ZNF410: variants seen among roughly 807,000 people sequenced by gnomAD.
ZNF410 encodes the protein another partner for ARF 1.
ZNF410 carries 18 observed loss-of-function variants against 54.8 expected under a neutral mutation model. The ratio of observed to expected loss-of-function variants is 0.33; its 90% confidence interval spans 0.23 to 0.49. The LOEUF is 0.49. Among genes scored for constraint, ZNF410 ranks in the 20% least tolerant of loss-of-function variants. The pLI, the probability that ZNF410 is intolerant of heterozygous loss-of-function variation, is 0.99. For missense variants in ZNF410, 405 were observed against 569.6 expected, an observed-to-expected ratio of 0.71 and a Z score of 2.94; for synonymous variants, 191 against 207.3, an observed-to-expected ratio of 0.92 and a Z score of 0.68.
chr14:73,921,292 T>C, intron 9 of ZNF410, 187 bp downstream of exon 9: 1 of 598,502 alleles, frequency 1.7e-6, no homozygotes, highest in South Asian at 3.2e-5. Flanking sequence ...TTTTAAAATT[T>C]ATATACTTTT....
At chr14:73,930,128 T>C (rs1472904225) in intron 11 of ZNF410, among the ~76,000 whole-genome samples, 1 of 152,206 alleles carries the variant, frequency 6.6e-6, no homozygotes, top group Non-Finnish European at 1.5e-5. Context: ...AAATAGAAAT[T>C]ACAAATTCTA....
intron 9 of ZNF410, 35 bp from the exon 10 acceptor site, chr14:73,922,031 T>A (rs1468083500): frequency 6.2e-7 from 1 of 1,609,142 alleles, no homozygotes; most frequent in South Asian, 1.1e-5. Flanking sequence ...CAGCCTTGAT[T>A]GCTGTATGTC....
intron 7 of ZNF410, chr14:73,906,352 A>G (rs1374838247): frequency 6.6e-6 from 1 of 152,046 alleles, no homozygotes; most frequent in African/African-American, 2.4e-5. Flanking sequence ...GAAGAGGGGA[A>G]AAAGTAAAAC....
chr14:73,907,457 T>C (rs2055507178), intron 7 of ZNF410, among the ~76,000 whole-genome samples: 1 of 151,790 alleles, frequency 6.6e-6, no homozygotes, highest in African/African-American at 2.4e-5. Context: ...TAGCCAGGCA[T>C]GGTGATGGGT....
At chr14:73,901,139 G>T (rs990047815) in intron 5 of ZNF410, among the ~76,000 whole-genome samples, 1 of 152,212 alleles carries the variant, frequency 6.6e-6, no homozygotes, top group African/African-American at 2.4e-5. Context: ...ATAAGATGTT[G>T]TATATCAGAT....
intron 8 of ZNF410, among the ~76,000 whole-genome samples, chr14:73,917,097 T>G (rs2055679023): frequency 6.6e-6 from 1 of 152,346 alleles, no homozygotes; most frequent in South Asian, 2.1e-4. Flanking sequence ...CAATTTAAAT[T>G]TTCACATTAA....
At chr14:73,909,516 A>G in intron 8 of ZNF410, 86 bp downstream of exon 8, 2 of 1,097,564 alleles carry the variant, frequency 1.8e-6, no homozygotes, top group Non-Finnish European at 1.4e-6. Context: ...AGACAACTAA[A>G]AAGAAACAAA....
intron 7 of ZNF410, among the ~76,000 whole-genome samples, chr14:73,905,956 CACACACACACACATATATAT>C (rs2055478816): frequency 4.7e-5 from 1 of 21,172 alleles, no homozygotes; most frequent in Admixed American, 7.8e-4. Flanking sequence ...CACACACACA[CACACACACACACATATATAT>C]ATATATATAT....
At chr14:73,892,438 ATAATG>A (rs2055245376) in intron 2 of ZNF410, among the ~76,000 whole-genome samples, 1 of 151,728 alleles carries the variant, frequency 6.6e-6, no homozygotes, top group Admixed American at 6.6e-5. Context: ...ATACATTTAG[ATAATG>A]TAATAAAATC....
At chr14:73,929,147 T>A (rs1404785774) in intron 11 of ZNF410, among the ~76,000 whole-genome samples, 1 of 152,210 alleles carries the variant, frequency 6.6e-6, no homozygotes, top group Admixed American at 6.5e-5. Flanking sequence ...TGAGCCTCAC[T>A]TCTTTTGTGT....
At chr14:73,921,152 C>A in intron 9 of ZNF410, 47 bp downstream of exon 9, 1 of 1,605,286 alleles carries the variant, frequency 6.2e-7, no homozygotes. Flanking sequence ...TCTAGGGTTC[C>A]AAGAGCCAAA....
intron 11 of ZNF410, among the ~76,000 whole-genome samples, chr14:73,929,100 C>T (rs1566669104): frequency 1.3e-5 from 2 of 152,230 alleles, no homozygotes; most frequent in African/African-American, 2.4e-5. Flanking sequence ...ACTTTTTCCT[C>T]ATGGGTTTTT....
chr14:73,928,807 G>A (rs540751717), intron 11 of ZNF410, among the ~76,000 whole-genome samples: 12 of 152,148 alleles, frequency 7.9e-5, no homozygotes. Context: ...AATTATCCAG[G>A]CATAGTGGTG....
intron 2 of ZNF410, 160 bp from the exon 3 acceptor site, chr14:73,893,637 G>C (rs2055265421): frequency 1.2e-6 from 1 of 815,010 alleles, no homozygotes; most frequent in Non-Finnish European, 1.7e-6. Context: ...CTCTAGAACA[G>C]AGAACTTGAT....
chr14:73,902,517 A>G (rs1173171991), intron 5 of ZNF410, among the ~76,000 whole-genome samples: 2 of 152,174 alleles, frequency 1.3e-5, no homozygotes, highest in African/African-American at 4.8e-5. Context: ...AAAGTATAGC[A>G]AGGAGAAGAT....
intron 11 of ZNF410, among the ~76,000 whole-genome samples, chr14:73,928,216 A>G (rs1175009236): frequency 6.6e-6 from 1 of 152,138 alleles, no homozygotes. Context: ...TTAAGTTGAG[A>G]TGGGAGGGAT....
chr14:73,930,093 T>C (rs560741565), intron 11 of ZNF410, among the ~76,000 whole-genome samples: 96 of 152,300 alleles, frequency 6.3e-4, no homozygotes, highest in South Asian at 8.3e-4. Flanking sequence ...GACTACCTCT[T>C]AGAATGCTTT....
intron 5 of ZNF410, 86 bp downstream of exon 5, chr14:73,898,348 T>A: frequency 7.5e-7 from 1 of 1,326,410 alleles, no homozygotes; most frequent in Non-Finnish European, 1.1e-6. Context: ...GTATATAATT[T>A]AAATTATTCT....
chr14:73,919,987 T>C (rs2055733245), intron 8 of ZNF410, among the ~76,000 whole-genome samples: 1 of 151,388 alleles, frequency 6.6e-6, no homozygotes, highest in African/African-American at 2.4e-5. Flanking sequence ...TTTCCAGTAT[T>C]TAGCCATTTA....
Sources: allele counts gnomAD v4.1 joint callset (sites outside exome capture counted in the v4.1 genomes callset), GRCh38; gene constraint gnomAD v4.1.1; transcripts MANE v1.5; gene names NCBI Gene and HGNC (gene_info 2026-07-23, HGNC 2026-07-21).